The following SDK2 variants were observed in gnomAD, a reference collection of about 807,000 sequenced individuals.
SDK2 encodes the protein sidekick cell adhesion molecule 2.
Under a neutral mutation model 253.9 loss-of-function variants are expected in SDK2, and 105 were observed. The ratio of observed to expected loss-of-function variants is 0.41; its 90% CI spans 0.35 to 0.49. The LOEUF is 0.49. SDK2 is among the 20% of genes least tolerant of loss of function. The pLI is 0.06. For synonymous variants in SDK2, 1,249 were observed against 1,234.9 expected, an observed-to-expected ratio of 1.01 and a Z score of -0.24; for missense variants, 2,608 against 3,003.0, an observed-to-expected ratio of 0.87 and a Z score of 3.07.
chr17:73,621,492 C>A (rs961988051), intron 1 of SDK2, among the ~76,000 whole-genome samples: 1 of 151,886 alleles, frequency 6.6e-6, no homozygotes, highest in African/African-American at 2.4e-5. Context: ...TTAGCGGACA[C>A]GAATTTTAAA....
At chr17:73,428,854 G>A (rs1008153269) in intron 12 of SDK2, among the ~76,000 whole-genome samples, 4 of 152,096 alleles carry the variant, frequency 2.6e-5, no homozygotes, top group African/African-American at 9.7e-5. Context: ...ATAAAGGGAT[G>A]ATTCTGCTCC....
intron 12 of SDK2, among the ~76,000 whole-genome samples, chr17:73,426,953 C>T (rs1163021256): frequency 6.6e-6 from 1 of 152,110 alleles, no homozygotes; most frequent in Non-Finnish European, 1.5e-5. Flanking sequence ...GGCGTGGTGG[C>T]GGGAGCCTGT....
intron 1 of SDK2, among the ~76,000 whole-genome samples, chr17:73,539,351 C>T (rs1237946580): frequency 6.6e-6 from 1 of 152,132 alleles, no homozygotes; most frequent in Non-Finnish European, 1.5e-5. Context: ...GGGAGACAGC[C>T]TGGGAGCGCC....
intron 29 of SDK2, among the ~76,000 whole-genome samples, chr17:73,389,638 T>A (rs2062910404): frequency 6.6e-6 from 1 of 152,202 alleles, no homozygotes; most frequent in South Asian, 2.1e-4. Context: ...AGGGCAGCAG[T>A]GCAGTGGCAG....
chr17:73,476,038 G>A (rs1417465507), intron 2 of SDK2, among the ~76,000 whole-genome samples: 2 of 152,200 alleles, frequency 1.3e-5, no homozygotes, highest in East Asian at 3.9e-4. Flanking sequence ...CTTGAACCCA[G>A]GAGGTGGAGG....
At chr17:73,589,726 C>T (rs1003453307) in intron 1 of SDK2, among the ~76,000 whole-genome samples, 2 of 152,214 alleles carry the variant, frequency 1.3e-5, no homozygotes, top group African/African-American at 2.4e-5. Context: ...GGTGTGAAAT[C>T]GGACAAGGCA....
chr17:73,599,160 A>G (rs983114552), intron 1 of SDK2, among the ~76,000 whole-genome samples: 1 of 152,210 alleles, frequency 6.6e-6, no homozygotes, highest in African/African-American at 2.4e-5. Flanking sequence ...GGCCTGGCCC[A>G]CTGATGTGTC....
chr17:73,615,887 T>C (rs1227706451), intron 1 of SDK2, among the ~76,000 whole-genome samples: 1 of 152,068 alleles, frequency 6.6e-6, no homozygotes, highest in Non-Finnish European at 1.5e-5. Flanking sequence ...ACATGTGCAT[T>C]CACACATACA....
chr17:73,571,016 C>G (rs758354848), intron 1 of SDK2, among the ~76,000 whole-genome samples: 17 of 151,604 alleles, frequency 1.1e-4, no homozygotes, highest in Non-Finnish European at 1.9e-4. Context: ...CTCCAGAGAA[C>G]GAACTCTGGG....
At chr17:73,408,319 G>A (rs1490297016) in intron 18 of SDK2, among the ~76,000 whole-genome samples, 1 of 150,634 alleles carries the variant, frequency 6.6e-6, no homozygotes, top group Admixed American at 6.6e-5. Context: ...CCGGGTTCAC[G>A]CCTTTCTCCT....
In SDK2 at chr17:73,358,094, C is replaced by T; in HGVS notation, c.5578G>A (p.Glu1860Lys). 4 of 1,613,264 alleles carry T rather than the reference C, an allele frequency of 2.5e-6. No homozygotes were observed. The highest frequency in any genetic ancestry group is 3.4e-6 in the Non-Finnish European group (4 of 1,179,772). The stretch of plus-strand genomic sequence containing the variant: ...CGGGGCGCACCTGAAGGTCTGGCCT[C>T]GATGACGTAGCGGGTGATGGGCCCT... The part of the protein sequence containing the change: ...GKGPITRYVI[E>K]ARPSDEGLWD... The change falls in exon 40 of 45, where the codon GAG (glutamate) becomes AAG (lysine). Residue 1860 changes from glutamate (E) to lysine (K), a missense_variant. This residue lies in a region of SDK2 where 1,103 missense variants were observed against 1,143.9 expected (regional missense o/e 0.96). Coordinates refer to ENST00000392650, the MANE Select transcript of SDK2 (RefSeq NM_001144952.2).
intron 1 of SDK2, among the ~76,000 whole-genome samples, chr17:73,636,747 T>G (rs1297561075): frequency 6.3e-5 from 8 of 126,276 alleles, no homozygotes; most frequent in African/African-American, 2.1e-4. Context: ...ATGTGGAAGA[T>G]ATGGGTGAAA....
chr17:73,457,692 GCA>G (rs1238632279), intron 3 of SDK2, among the ~76,000 whole-genome samples: 2 of 151,934 alleles, frequency 1.3e-5, no homozygotes, highest in Admixed American at 1.3e-4. Flanking sequence ...CTGGACCTGT[GCA>G]CAGAATTCCC....
intron 1 of SDK2, among the ~76,000 whole-genome samples, chr17:73,551,249 C>A (rs74538431): frequency 1.3e-5 from 2 of 152,190 alleles, no homozygotes; most frequent in Non-Finnish European, 2.9e-5. Flanking sequence ...CTGGTGCCTT[C>A]GTGATAAATG....
chr17:73,642,618 T>G lies in SDK2; in HGVS notation c.64+1407A>C, dbSNP rs1296218990. 6.6e-6 allele frequency among the ~76,000 whole-genome samples: 1 copy of G among 152,058 alleles called. No individual in the cohort carries two copies. The highest frequency in any genetic ancestry group is 1.5e-5 in the Non-Finnish European group (1 of 67,994). On this transcript the variant is annotated intron_variant, in intron 1 of 44. Coordinates refer to ENST00000392650, the MANE Select transcript of SDK2 (RefSeq NM_001144952.2). The surrounding 1 kb of genome is among the most constrained non-coding windows in gnomAD (Gnocchi z 4.7). ...CTGCCTCTGCCCCCAGATCACAGAGTGGCCTTGGGCAAGTCATTTAATGCC... is the reference window on the plus strand; with the variant it reads ...CTGCCTCTGCCCCCAGATCACAGAGGGGCCTTGGGCAAGTCATTTAATGCC...
intron 1 of SDK2, among the ~76,000 whole-genome samples, chr17:73,617,031 A>G (rs1323740033): frequency 2.6e-5 from 4 of 151,892 alleles, no homozygotes; most frequent in Admixed American, 1.3e-4. Context: ...GAATGAAGGA[A>G]TGGAAGGCCA....
chr17:73,414,637 C>T lies in SDK2; in HGVS notation c.2484+7G>A. The T allele has an allele frequency of 6.2e-7, 1 of 1,609,588 alleles. No individual in the cohort carries two copies. The highest frequency in any genetic ancestry group is 8.5e-7 in the Non-Finnish European group (1 of 1,175,930). ...CCTCCTCTTGGGTGAGGAGATGCCTCATGTACCTTGTAGCCCTGGTTGATG... is the reference window on the plus strand; with the variant it reads ...CCTCCTCTTGGGTGAGGAGATGCCTTATGTACCTTGTAGCCCTGGTTGATG... On this transcript the variant is annotated splice_region_variant and intron_variant, in intron 18 of 44. Coordinates refer to ENST00000392650, the MANE Select transcript of SDK2 (RefSeq NM_001144952.2).
In SDK2 at chr17:73,543,737, G is replaced by C. The variant is rs530589832; in HGVS notation, c.65-36140C>G. 6.8e-4 allele frequency among the ~76,000 whole-genome samples: 104 copies of C among 152,358 alleles called. 2 individuals carry two copies. The highest frequency in any genetic ancestry group is 1.0e-4 in the Non-Finnish European group (7 of 68,030). Reference sequence around the variant, plus strand: ...CCTCTTCCAGAGTCCAGCCTGACCAGCTTCCAACTAGGAGAGGCACAAGGG... The same window carrying C: ...CCTCTTCCAGAGTCCAGCCTGACCACCTTCCAACTAGGAGAGGCACAAGGG... On this transcript the variant is annotated intron_variant, in intron 1 of 44. Transcript: ENST00000392650.
chr17:73,606,780 G>A (rs889415361), intron 1 of SDK2, among the ~76,000 whole-genome samples: 1 of 152,178 alleles, frequency 6.6e-6, no homozygotes, highest in Admixed American at 6.5e-5. Flanking sequence ...GAGGGGAAGG[G>A]AACAGGCTCT....
Sources: allele counts gnomAD v4.1 joint callset (sites outside exome capture counted in the v4.1 genomes callset), GRCh38; gene constraint gnomAD v4.1.1; regional missense constraint gnomAD v4.1.1; non-coding constraint Gnocchi (gnomAD v3.1); transcripts MANE v1.5; gene names NCBI Gene and HGNC (gene_info 2026-07-23, HGNC 2026-07-21).